Variants in IQCJ observed in about 807,000 individuals in gnomAD.
IQCJ encodes IQ domain-containing protein J.
In IQCJ, 9 loss-of-function variants were observed where a neutral mutation model predicts 11.0. That is an observed-to-expected ratio of 0.82 (90% CI 0.49 to 1.43). The LOEUF is 1.43. Among genes scored for constraint, IQCJ ranks in the 40% most tolerant of loss-of-function variants. The pLI is 0.00. For synonymous variants in IQCJ, 55 were observed against 51.3 expected, an observed-to-expected ratio of 1.07 and a Z score of -0.31; for missense variants, 146 against 133.2, an observed-to-expected ratio of 1.10 and a Z score of -0.47.
chr3:159,229,260 C>A (rs944437462), intron 1 of IQCJ, among the ~76,000 whole-genome samples: 1 of 151,322 alleles, frequency 6.6e-6, no homozygotes, highest in Non-Finnish European at 1.5e-5. Context: ...GAGCAACTCC[C>A]CAGCGGTGAG....
At chr3:159,078,222 G>C (rs76276223) in intron 1 of IQCJ, among the ~76,000 whole-genome samples, 12,011 of 123,506 alleles carry the variant, frequency 0.097, 785 homozygotes, top group East Asian at 0.37. Flanking sequence ...TTACACAGGG[G>C]ACTTTTTTAC....
intron 1 of IQCJ, among the ~76,000 whole-genome samples, chr3:159,122,758 G>A (rs1719450522): frequency 6.6e-6 from 1 of 152,106 alleles, no homozygotes; most frequent in African/African-American, 2.4e-5. Flanking sequence ...CTTTTGGTAG[G>A]AAGTAATTTA....
At chr3:159,252,027 T>G (rs548059932) in intron 2 of IQCJ, among the ~76,000 whole-genome samples, 2 of 152,262 alleles carry the variant, frequency 1.3e-5, no homozygotes, top group East Asian at 3.9e-4. Context: ...TCGACCAAAT[T>G]TCTCTTTATT....
chr3:159,069,636 A>G (rs1715406737), intron 1 of IQCJ, 195 bp downstream of exon 1: 2 of 700,938 alleles, frequency 2.9e-6, no homozygotes, highest in Non-Finnish European at 4.6e-6. Flanking sequence ...TGTGTGCATA[A>G]ATATGTATTA....
chr3:159,148,510 G>C (rs1721033881), intron 1 of IQCJ, among the ~76,000 whole-genome samples: 1 of 152,188 alleles, frequency 6.6e-6, no homozygotes, highest in Non-Finnish European at 1.5e-5. Flanking sequence ...GAAAGAATCT[G>C]TAAGATATAT....
At chr3:159,207,835 A>G (rs1247280378) in intron 1 of IQCJ, among the ~76,000 whole-genome samples, 1 of 152,186 alleles carries the variant, frequency 6.6e-6, no homozygotes, top group Admixed American at 6.5e-5. Context: ...CCTTTGGGGC[A>G]CTTAGAAATT....
intron 1 of IQCJ, among the ~76,000 whole-genome samples, chr3:159,215,036 T>C (rs1725149588): frequency 6.6e-6 from 1 of 152,152 alleles, no homozygotes; most frequent in African/African-American, 2.4e-5. Flanking sequence ...GGGACCCCTA[T>C]AGTAAAGACA....
intron 1 of IQCJ, among the ~76,000 whole-genome samples, chr3:159,128,554 C>T (rs964873041): frequency 6.6e-6 from 1 of 152,202 alleles, no homozygotes; most frequent in African/African-American, 2.4e-5. Flanking sequence ...ACAAATCCCA[C>T]ACTTTTTGTA....
intron 1 of IQCJ, among the ~76,000 whole-genome samples, chr3:159,150,583 A>AACACACACACAC (rs373030886): frequency 1.3e-3 from 189 of 146,174 alleles, no homozygotes; most frequent in African/African-American, 4.5e-3. Context: ...CATTGTCCCC[A>AACACACACACAC]ACACACACAC....
chr3:159,141,423 T>C (rs1720596705), intron 1 of IQCJ, among the ~76,000 whole-genome samples: 1 of 152,196 alleles, frequency 6.6e-6, no homozygotes, highest in African/African-American at 2.4e-5. Context: ...GGGAAGCCAC[T>C]GGAGAGTTTT....
chr3:159,233,221 A>G (rs1726369920), intron 1 of IQCJ, among the ~76,000 whole-genome samples: 1 of 152,122 alleles, frequency 6.6e-6, no homozygotes, highest in African/African-American at 2.4e-5. Flanking sequence ...GGGGATGGAA[A>G]GAGAGGGCAT....
At chr3:159,070,758 A>C (rs146144426) in intron 1 of IQCJ, among the ~76,000 whole-genome samples, 3 of 152,184 alleles carry the variant, frequency 2.0e-5, no homozygotes, top group Non-Finnish European at 2.9e-5. Context: ...GTTTTTCACA[A>C]GTAGGTTTTT....
At chr3:159,263,962 G>T (rs559622608), downstream of IQCJ, among the ~76,000 whole-genome samples, 4 of 152,284 alleles carry the variant, frequency 2.6e-5, no homozygotes, top group East Asian at 7.7e-4. Context: ...AAATGCCAGG[G>T]CTTCTCGTTT....
At chr3:159,158,314 G>A (rs894867760) in intron 1 of IQCJ, among the ~76,000 whole-genome samples, 3 of 152,172 alleles carry the variant, frequency 2.0e-5, no homozygotes, top group Non-Finnish European at 4.4e-5. Flanking sequence ...TGATGATGCT[G>A]GAAGCCCTGT....
chr3:159,264,922 A>C (rs1337755567), downstream of IQCJ, among the ~76,000 whole-genome samples: 1 of 151,944 alleles, frequency 6.6e-6, no homozygotes, highest in East Asian at 1.9e-4. Flanking sequence ...AAAAAAAAAG[A>C]ATTAGAATCA....
chr3:159,165,529 A>G (rs910830374), intron 1 of IQCJ, among the ~76,000 whole-genome samples: 1 of 152,194 alleles, frequency 6.6e-6, no homozygotes, highest in Non-Finnish European at 1.5e-5. Context: ...TTCAATTACA[A>G]CAGAAACTAT....
chr3:159,114,846 C>T (rs1718865205), intron 1 of IQCJ, among the ~76,000 whole-genome samples: 1 of 152,146 alleles, frequency 6.6e-6, no homozygotes, highest in Admixed American at 6.5e-5. Context: ...TTGATCTGCT[C>T]CGGAAGCTCA....
chr3:159,077,110 G>T (rs1331510285), intron 1 of IQCJ, among the ~76,000 whole-genome samples: 1 of 152,042 alleles, frequency 6.6e-6, no homozygotes, highest in Non-Finnish European at 1.5e-5. Flanking sequence ...CCAGTTTCTT[G>T]TTATCTAAGA....
At chr3:159,212,640 T>C (rs944183784) in intron 1 of IQCJ, among the ~76,000 whole-genome samples, 3 of 152,190 alleles carry the variant, frequency 2.0e-5, no homozygotes, top group East Asian at 1.9e-4. Context: ...CCACTAAAGA[T>C]TGGGTCTCAC....
Sources: gnomAD v4.1 joint callset for allele counts (sites outside exome capture counted in the v4.1 genomes callset) on GRCh38, gnomAD v4.1.1 for gene constraint, MANE v1.5 for transcripts, NCBI Gene and HGNC (gene_info 2026-07-23, HGNC 2026-07-21) for gene names.